Variants in TAOK3 observed in about 807,000 individuals in gnomAD.
TAOK3 encodes the protein serine/threonine-protein kinase TAO3.
TAOK3 carries 40 observed loss-of-function variants against 120.4 expected under a neutral mutation model. That is an observed-to-expected ratio of 0.33 (90% confidence interval 0.26 to 0.43). The LOEUF is 0.43. Ranked by LOEUF, TAOK3 falls within the 20% of genes least tolerant of loss-of-function variation. TAOK3 has a pLI of 1.00. For missense variants in TAOK3, 821 were observed against 1,112.1 expected, an observed-to-expected ratio of 0.74 and a Z score of 3.72; for synonymous variants, 355 against 387.5, an observed-to-expected ratio of 0.92 and a Z score of 0.99.
Position 118,235,689 on chromosome 12 carries a change from AG to A in TAOK3, c.438-19del. ...TAATATCCCTATAGGAAAAAAAAAA[AG>A]GGTTAGAAAATTACTTTTCAATTTT... On this transcript the variant is annotated intron_variant, in intron 7 of 20. Transcript: ENST00000392533. The A allele has an allele frequency of 2.7e-6, 4 of 1,494,758 alleles. No individual in the cohort carries two copies. Among genetic ancestry groups the A allele is most frequent in the Non-Finnish European group, 2.8e-6 (3 of 1,082,168 alleles). The allele number at this position is 1,494,758 out of a possible 1,614,324, so 92.6% of individuals were successfully genotyped here. A position where few individuals can be genotyped will look rare whatever the true frequency, so the allele number is the denominator to read the frequency against.
intron 9 of TAOK3, among the ~76,000 whole-genome samples, chr12:118,226,195 G>T (rs997224034): frequency 6.6e-6 from 1 of 152,238 alleles, no homozygotes; most frequent in Non-Finnish European, 1.5e-5. Flanking sequence ...CTAACATGGT[G>T]AAACCCCGTC....
intron 17 of TAOK3, among the ~76,000 whole-genome samples, chr12:118,163,992 G>A (rs1157752571): frequency 3.3e-5 from 5 of 151,956 alleles, no homozygotes; most frequent in Non-Finnish European, 2.9e-5. Flanking sequence ...GATTACAGGC[G>A]TGAGCCACCG....
At chr12:118,306,581 C>T (rs145273264) in intron 1 of TAOK3, among the ~76,000 whole-genome samples, 1 of 152,238 alleles carries the variant, frequency 6.6e-6, no homozygotes, top group Admixed American at 6.5e-5. Context: ...TTATAAAAAT[C>T]CATACATGTT....
At position 118,235,233 on chromosome 12, in the gene TAOK3, TACC is replaced by T. The variant is rs1462491733; in HGVS notation, c.551+322_551+324del. 4.6e-5 allele frequency among the ~76,000 whole-genome samples: 7 copies of T among 152,276 alleles called. No individual in the cohort carries two copies. The East Asian group carries it at 1.2e-3, about 25-fold the overall frequency. ...AAGGTGAAAGAAGCTGCCCTGTCCTTACCTGGAGGCTTTGCCTCAAGAGAAAAG... is the reference window on the plus strand; with the variant it reads ...AAGGTGAAAGAAGCTGCCCTGTCCTTTGGAGGCTTTGCCTCAAGAGAAAAG... On this transcript the variant is annotated intron_variant, in intron 8 of 20. Coordinates refer to ENST00000392533, the MANE Select transcript of TAOK3 (RefSeq NM_016281.4).
rs1281637198 is a variant in TAOK3, at chr12:118,161,559, G to A, written c.2139+229C>T. Among the ~76,000 whole-genome samples, 2 of 152,236 alleles carry A rather than the reference G, an allele frequency of 1.3e-5. No homozygotes were observed. Among genetic ancestry groups the A allele is most frequent in the Non-Finnish European group, 2.9e-5 (2 of 68,046 alleles). ...AGAGAAATTCCATAATGGATATGAT[G>A]ACAAATTGATAGATAATGTAGTATA... is the stretch of plus-strand genomic sequence containing the variant. On this transcript the variant is annotated intron_variant, in intron 18 of 20. Coordinates refer to ENST00000392533, the MANE Select transcript of TAOK3 (RefSeq NM_016281.4). This position sits in a 1 kb window ranked among gnomAD's most constrained non-coding sequence, Gnocchi z 4.5.
At chr12:118,291,548 A>G (rs1593433493) in intron 1 of TAOK3, among the ~76,000 whole-genome samples, 1 of 152,142 alleles carries the variant, frequency 6.6e-6, no homozygotes, top group East Asian at 1.9e-4. Context: ...TTGAATGACT[A>G]TTTCCATACA....
chr12:118,257,875 T>C (rs2041057707), intron 2 of TAOK3, among the ~76,000 whole-genome samples: 1 of 152,120 alleles, frequency 6.6e-6, no homozygotes, highest in Non-Finnish European at 1.5e-5. Flanking sequence ...TGCCATACCC[T>C]GTACTGAGTT....
intron 17 of TAOK3, among the ~76,000 whole-genome samples, chr12:118,167,343 G>C (rs1416809545): frequency 6.6e-6 from 1 of 151,982 alleles, no homozygotes; most frequent in African/African-American, 2.4e-5. Context: ...TAAAAATTTA[G>C]ATGTATGCAT....
intron 1 of TAOK3, among the ~76,000 whole-genome samples, chr12:118,366,192 A>G (rs753368258): frequency 4.6e-5 from 7 of 152,200 alleles, no homozygotes; most frequent in Non-Finnish European, 1.0e-4. Flanking sequence ...TGAACCCAGG[A>G]GGTGGAGGTT....
At chr12:118,341,125 G>A (rs1329961761) in intron 1 of TAOK3, among the ~76,000 whole-genome samples, 1 of 151,638 alleles carries the variant, frequency 6.6e-6, no homozygotes, top group Non-Finnish European at 1.5e-5. Context: ...TCAGCCTCCT[G>A]AGTAGCTGGG....
chr12:118,340,481 G>A (rs2044568185), intron 1 of TAOK3, among the ~76,000 whole-genome samples: 1 of 151,922 alleles, frequency 6.6e-6, no homozygotes, highest in Non-Finnish European at 1.5e-5. Context: ...AAAATGGGGT[G>A]GAATTTATTG....
chr12:118,202,681 A>G (rs1483629343), intron 11 of TAOK3, among the ~76,000 whole-genome samples: 1 of 152,100 alleles, frequency 6.6e-6, no homozygotes, highest in Admixed American at 6.6e-5. Context: ...TAATAAAAAA[A>G]TCACTAGAAC....
chr12:118,235,582 T>G lies in TAOK3; in HGVS notation c.527A>C (p.Asn176Thr), dbSNP rs148463198. The G allele has an allele frequency of 1.9e-6, 3 of 1,613,676 alleles. No homozygotes were observed. The highest frequency in any genetic ancestry group is 2.2e-5 in the South Asian group (2 of 91,076). The change falls in exon 8 of 21, where the codon AAC becomes ACC. Residue 176 changes from asparagine (N) to threonine (T), a missense_variant. Around this residue, in one of 2 missense-constraint regions of TAOK3, gnomAD observed 467 missense variants for 540.0 expected, o/e 0.86. Coordinates refer to ENST00000392533, the MANE Select transcript of TAOK3 (RefSeq NM_016281.4). ...CCAGTAAGGTGTGCCCACGAAGGAG[T>G]TGGCAGGAGAAGCCATTGAAGCAGA... is the stretch of plus-strand genomic sequence containing the variant. The part of the protein sequence containing the change: ...FGSASMASPA[N>T]SFVGTPYWMA...
At chr12:118,219,347 C>T (rs974709255) in intron 9 of TAOK3, among the ~76,000 whole-genome samples, 6 of 151,762 alleles carry the variant, frequency 4.0e-5, no homozygotes, top group African/African-American at 1.5e-4. Context: ...AACTCATGGG[C>T]TCAAGTGATC....
chr12:118,189,859 G>A lies in TAOK3; in HGVS notation c.1277C>T (p.Ala426Val). The change falls in exon 14 of 21, where the codon GCC becomes GTC. Residue 426 changes from alanine to valine, a missense_variant. By Grantham distance (64) the Ala-to-Val change is moderately conservative. Transcript: ENST00000392533. The stretch of plus-strand genomic sequence containing the variant: ...GCGCTCTCTGTTCCGGTAGTGGAGG[G>A]CCTGGCTCTGAACTGACTGGGTAGG... The part of the protein sequence containing the change: ...PRPTQSVQSQ[A>V]LHYRNRERFA... The A allele has an allele frequency of 3.1e-6, 5 of 1,614,190 alleles. No individual in the cohort carries two copies. In the South Asian group the frequency reaches 5.5e-5, roughly 18 times the overall value.
intron 1 of TAOK3, among the ~76,000 whole-genome samples, chr12:118,338,300 T>C (rs947472988): frequency 6.6e-6 from 1 of 152,190 alleles, no homozygotes; most frequent in African/African-American, 2.4e-5. Context: ...TTCTTTAACA[T>C]ATGTGTCCTT....
At chr12:118,206,341 C>T (rs1452756225) in intron 11 of TAOK3, among the ~76,000 whole-genome samples, 1 of 152,202 alleles carries the variant, frequency 6.6e-6, no homozygotes, top group Non-Finnish European at 1.5e-5. Flanking sequence ...TAAACTCTTA[C>T]CTGTTTAAAC....
chr12:118,342,944 AAAAAAAAAAAAAAAG>A (rs2044681848), intron 1 of TAOK3, among the ~76,000 whole-genome samples: 1 of 150,110 alleles, frequency 6.7e-6, no homozygotes, highest in African/African-American at 2.5e-5. Flanking sequence ...CTAAAAAAAA[AAAAAAAAAAAAAAAG>A]AGAGAGAGAG....
In TAOK3 at chr12:118,301,863, AT is replaced by A. The variant is rs1383541813; in HGVS notation, c.-193-35105del. The stretch of plus-strand genomic sequence containing the variant: ...TCTCAAAAAAAAAAAAAAAAAAAAA[AT>A]TCAAACCTCAAAGCACAATAAGGGT... On this transcript the variant is annotated intron_variant, in intron 1 of 20. Transcript: ENST00000392533. Among the ~76,000 whole-genome samples, 3 of 149,086 alleles carry A rather than the reference AT, an allele frequency of 2.0e-5. No individual in the cohort carries two copies. In the East Asian group the frequency reaches 5.9e-4, roughly 29 times the overall value.
Sources: allele counts gnomAD v4.1 joint callset (sites outside exome capture counted in the v4.1 genomes callset), GRCh38; gene constraint gnomAD v4.1.1; regional missense constraint gnomAD v4.1.1; non-coding constraint Gnocchi (gnomAD v3.1); transcripts MANE v1.5; gene names NCBI Gene and HGNC (gene_info 2026-07-23, HGNC 2026-07-21).